Variants in NUDT9 observed in about 807,000 individuals in gnomAD.
The protein encoded by NUDT9 is nudix hydrolase 9, also known as ADP-ribose pyrophosphatase.
A neutral mutation model predicts 41.0 loss-of-function variants in NUDT9; 31 were observed. That is an observed-to-expected ratio of 0.76 (90% confidence interval 0.57 to 1.02). The LOEUF is 1.02. NUDT9 is among the 50% of genes least tolerant of loss of function. The pLI is 0.00. For missense variants in NUDT9, 380 were observed against 431.4 expected, an observed-to-expected ratio of 0.88 and a Z score of 1.06; for synonymous variants, 146 against 147.6, an observed-to-expected ratio of 0.99 and a Z score of 0.08.
intron 7 of NUDT9, among the ~76,000 whole-genome samples, chr4:87,455,983 ACC>A (rs1722974554): frequency 1.7e-4 from 26 of 152,024 alleles, no homozygotes; most frequent in Admixed American, 6.6e-5. Flanking sequence ...TTGAAAATTG[ACC>A]ATGATATAAC....
At chr4:87,439,912 A>G (rs771150957) in intron 3 of NUDT9, among the ~76,000 whole-genome samples, 34 of 152,374 alleles carry the variant, frequency 2.2e-4, no homozygotes, top group Non-Finnish European at 4.0e-4. Context: ...AATCATGGTT[A>G]TCATCTTATA....
chr4:87,452,986 A>G (rs1207233841), intron 6 of NUDT9, among the ~76,000 whole-genome samples: 1 of 150,222 alleles, frequency 6.7e-6, no homozygotes, highest in Non-Finnish European at 1.5e-5. Flanking sequence ...TAATTTTTGT[A>G]TTTTTAGTAG....
intron 1 of NUDT9, chr4:87,434,554 C>A: frequency 6.5e-6 from 1 of 152,690 alleles, no homozygotes; most frequent in African/African-American, 2.4e-5. Context: ...TAATATGCAT[C>A]ATATTTGAAT....
chr4:87,424,837 C>T (rs1721334524), intron 1 of NUDT9, among the ~76,000 whole-genome samples: 1 of 152,124 alleles, frequency 6.6e-6, no homozygotes, highest in South Asian at 2.1e-4. Context: ...AGTTATTCTT[C>T]GTTTTTGTAA....
Position 87,444,832 on chromosome 4 carries a change from C to T in NUDT9, c.530+2917C>T, listed in dbSNP as rs968351741. 7.2e-5 allele frequency among the ~76,000 whole-genome samples: 11 copies of T among 151,996 alleles called. No homozygotes were observed. In the East Asian group the frequency reaches 9.6e-4, roughly 13 times the overall value. ...GAGAACTGAAGGCTTAGAGATGGTCCGAGGCTATAAGAGAGCCCACAGGTG... is the reference window on the plus strand; with the variant it reads ...GAGAACTGAAGGCTTAGAGATGGTCTGAGGCTATAAGAGAGCCCACAGGTG... On this transcript the variant is annotated intron_variant, in intron 4 of 7. Transcript: ENST00000302174.
intron 3 of NUDT9, 44 bp downstream of exon 3, chr4:87,438,416 A>G: frequency 9.7e-7 from 1 of 1,027,228 alleles, no homozygotes; most frequent in Non-Finnish European, 1.5e-6. Context: ...GAGTCACCAA[A>G]AAGTAGAAAA....
intron 1 of NUDT9, among the ~76,000 whole-genome samples, chr4:87,427,463 T>G (rs1196785232): frequency 1.3e-5 from 2 of 152,260 alleles, no homozygotes; most frequent in Non-Finnish European, 2.9e-5. Flanking sequence ...TATTCTTTTT[T>G]CTGGTACCTT....
rs549096268 is a variant in NUDT9, at chr4:87,440,374, TG to T, written c.444-1453del. On this transcript the variant is annotated intron_variant, in intron 3 of 7. Transcript: ENST00000302174. ...TCATTTATGCTTTTGTCTATATTTT[TG>T]GCTTATTACTCTCTCTTTGCGAATA... 3.8e-3 allele frequency among the ~76,000 whole-genome samples: 576 copies of T among 152,368 alleles called. 7 individuals are homozygous for T. Among genetic ancestry groups the T allele is most frequent in the South Asian group, 0.023 (109 of 4,828 alleles).
chr4:87,424,566 T>A (rs1165551639), intron 1 of NUDT9, among the ~76,000 whole-genome samples: 1 of 152,130 alleles, frequency 6.6e-6, no homozygotes, highest in Admixed American at 6.5e-5. Flanking sequence ...CCGGCCTTGG[T>A]GCATATTCTT....
intron 1 of NUDT9, among the ~76,000 whole-genome samples, chr4:87,432,324 C>T (rs1414853743): frequency 6.6e-6 from 1 of 152,158 alleles, no homozygotes; most frequent in Non-Finnish European, 1.5e-5. Flanking sequence ...GTGCCTGAAA[C>T]AGTTTTGGTT....
chr4:87,443,306 A>G (rs1292126476), intron 4 of NUDT9, among the ~76,000 whole-genome samples: 1 of 152,244 alleles, frequency 6.6e-6, no homozygotes, highest in Non-Finnish European at 1.5e-5. Flanking sequence ...AGATGTATAT[A>G]TAATTGATAT....
intron 7 of NUDT9, 150 bp downstream of exon 7, chr4:87,454,605 G>T: frequency 1.8e-6 from 1 of 550,798 alleles, no homozygotes. Flanking sequence ...AAAATTGTTG[G>T]TATTAAAGGA....
At chr4:87,444,680 T>C (rs1459366137) in intron 4 of NUDT9, among the ~76,000 whole-genome samples, 1 of 152,194 alleles carries the variant, frequency 6.6e-6, no homozygotes, top group African/African-American at 2.4e-5. Context: ...GTTTTGAAGG[T>C]TAGAATCTAG....
chr4:87,458,257 C>T lies in NUDT9; in HGVS notation c.*236C>T, dbSNP rs923675700. The T allele has an allele frequency of 1.4e-5, 5 of 345,208 alleles. No individual in the cohort carries two copies. The highest frequency in any genetic ancestry group is 4.5e-5 in the East Asian group (1 of 22,212). The allele number at this position is 345,208 out of a possible 1,614,324, so 21.4% of individuals were successfully genotyped here. On this transcript the variant is annotated 3_prime_UTR_variant, in exon 8 of 8. Coordinates refer to ENST00000302174, the MANE Select transcript of NUDT9 (RefSeq NM_024047.5). ...TAAGTAATCATATTTTGTATGTATT[C>T]GATTTAAGCATGGCTTAAATTAAAT...
intron 3 of NUDT9, among the ~76,000 whole-genome samples, chr4:87,440,036 T>A (rs1264610831): frequency 6.6e-6 from 1 of 152,196 alleles, no homozygotes; most frequent in Non-Finnish European, 1.5e-5. Flanking sequence ...CATAACTTAT[T>A]CACCTTTCTA....
chr4:87,437,949 C>T (rs116567015), intron 2 of NUDT9, among the ~76,000 whole-genome samples: 64 of 151,948 alleles, frequency 4.2e-4, no homozygotes, highest in African/African-American at 1.5e-3. Context: ...ATATTGTGCC[C>T]ACAAACAATT....
chr4:87,457,803 A>T (rs774839108), intron 7 of NUDT9, 40 bp from the exon 8 acceptor site: 1 of 1,571,960 alleles, frequency 6.4e-7, no homozygotes, highest in Non-Finnish European at 8.7e-7. Context: ...CTAAAACAGA[A>T]ATGAGTTTTT....
chr4:87,428,514 C>A (rs941218323), intron 1 of NUDT9, among the ~76,000 whole-genome samples: 1 of 134,946 alleles, frequency 7.4e-6, no homozygotes, highest in African/African-American at 3.0e-5. Flanking sequence ...AAATAAACTG[C>A]GGTACATCCA....
intron 1 of NUDT9, among the ~76,000 whole-genome samples, chr4:87,432,314 G>C (rs1264509501): frequency 6.6e-6 from 1 of 152,134 alleles, no homozygotes; most frequent in African/African-American, 2.4e-5. Flanking sequence ...TTTTAAACTT[G>C]TGCCTGAAAC....
Sources: allele counts gnomAD v4.1 joint callset (sites outside exome capture counted in the v4.1 genomes callset), GRCh38; gene constraint gnomAD v4.1.1; transcripts MANE v1.5; gene names NCBI Gene and HGNC (gene_info 2026-07-23, HGNC 2026-07-21).